Variants in PCDHGA6 observed in about 807,000 individuals in gnomAD.
The protein encoded by PCDHGA6 is protocadherin gamma-A6.
Under a neutral mutation model 60.6 loss-of-function variants are expected in PCDHGA6, and 41 were observed. That is an observed-to-expected ratio of 0.68 (90% confidence interval 0.53 to 0.88). The LOEUF (loss-of-function observed/expected upper bound fraction) is 0.88, where lower values mean the gene tolerates loss of function less well. Ranked by LOEUF, PCDHGA6 falls within the 40% of genes least tolerant of loss-of-function variation. The pLI, the probability that PCDHGA6 is intolerant of heterozygous loss-of-function variation, is 0.00. For synonymous variants in PCDHGA6, 594 were observed against 524.4 expected (o/e 1.13, Z -1.81); for missense variants, 1,312 against 1,203.0 (o/e 1.09, Z -1.34).
intron 1 of PCDHGA6, chr5:141,389,731 G>C (rs761645703): frequency 6.2e-7 from 1 of 1,612,688 alleles, no homozygotes; most frequent in Non-Finnish European, 8.5e-7. Context: ...GGGCTCTTCA[G>C]CCTGGGGCTG....
intron 1 of PCDHGA6, chr5:141,393,113 G>A: frequency 1.2e-6 from 2 of 1,613,500 alleles, no homozygotes; most frequent in Non-Finnish European, 8.5e-7. Context: ...CTCAGAGCCC[G>A]CGGTGTCTGA....
intron 1 of PCDHGA6, among the ~76,000 whole-genome samples, chr5:141,483,834 A>G (rs2154580001): frequency 6.6e-6 from 1 of 152,212 alleles, no homozygotes; most frequent in South Asian, 2.1e-4. Flanking sequence ...CTAGGTAAGG[A>G]CTTGGTTGAA....
chr5:141,394,077 G>T (rs2092915591), intron 1 of PCDHGA6: 2 of 1,613,828 alleles, frequency 1.2e-6, no homozygotes, highest in Non-Finnish European at 1.7e-6. Context: ...CAATATCACA[G>T]TGATGGCCTC....
At chr5:141,408,308 T>C in intron 1 of PCDHGA6, 1 of 1,613,744 alleles carries the variant, frequency 6.2e-7, no homozygotes, top group South Asian at 1.1e-5. Flanking sequence ...GATCCGCTAC[T>C]CGATTCCGGA....
chr5:141,499,054 TGAA>T (rs2099789231), intron 2 of PCDHGA6, among the ~76,000 whole-genome samples: 1 of 150,820 alleles, frequency 6.6e-6, no homozygotes, highest in Non-Finnish European at 1.5e-5. Context: ...GGAGAAAAAA[TGAA>T]GAAGACTTAC....
chr5:141,471,338 A>G (rs1562030662), intron 1 of PCDHGA6: 1 of 152,234 alleles, frequency 6.6e-6, no homozygotes, highest in Non-Finnish European at 1.5e-5. Context: ...GGTATGATCC[A>G]CTGCGCCCGG....
chr5:141,394,667 G>C, intron 1 of PCDHGA6: 5 of 1,613,252 alleles, frequency 3.1e-6, no homozygotes, highest in Non-Finnish European at 4.2e-6. Flanking sequence ...GACTCTTCTC[G>C]GTGGGTCTGC....
At position 141,476,683 on chromosome 5, in the gene PCDHGA6, C is replaced by T; in HGVS notation, c.2425-18124C>T. The T allele has an allele frequency of 1.9e-6, 3 of 1,614,242 alleles. No homozygotes were observed. Among genetic ancestry groups the T allele is most frequent in the Non-Finnish European group, 2.5e-6 (3 of 1,180,052 alleles). ...CGCTTCGCGTGCAGACGCGGGAGGA[C>T]AGCACCAAGTACGCGGAGCTGGTGT... On this transcript the variant is annotated intron_variant, in intron 1 of 3. Coordinates refer to ENST00000517434, the MANE Select transcript of PCDHGA6 (RefSeq NM_018919.3). The surrounding 1 kb of genome is among the most constrained non-coding windows in gnomAD (Gnocchi z 7.6).
chr5:141,420,287 A>C, intron 1 of PCDHGA6: 1 of 1,498,884 alleles, frequency 6.7e-7, no homozygotes, highest in African/African-American at 1.4e-5. Context: ...AAGTATTTAA[A>C]AATGTATTTA....
intron 1 of PCDHGA6, chr5:141,379,090 T>C (rs1029371266): frequency 6.6e-6 from 1 of 152,210 alleles, no homozygotes; most frequent in Non-Finnish European, 1.5e-5. Context: ...GTTATGAATG[T>C]GTAAGAAAAA....
intron 1 of PCDHGA6, chr5:141,403,515 G>A: frequency 6.2e-7 from 1 of 1,614,024 alleles, no homozygotes; most frequent in Non-Finnish European, 8.5e-7. Context: ...GGAGACAATG[G>A]AGCCATAAAC....
At position 141,376,034 on chromosome 5, in the gene PCDHGA6, C is replaced by T; in HGVS notation, c.1951C>T (p.Gln651Ter). The T allele has an allele frequency of 6.2e-7, 1 of 1,613,128 alleles. No homozygotes were observed. Among genetic ancestry groups the T allele is most frequent in the South Asian group, 1.1e-5 (1 of 91,048 alleles). The change falls in exon 1 of 4, where the codon CAG becomes TAG. Residue 651 changes from glutamine (Q) to a stop codon, truncating the protein, a stop_gained. Transcript: ENST00000517434. LOFTEE classifies it high-confidence loss of function. ...AGTGGTGGCCGTCCAGGACCACGGC[C>T]AGCCCCCTCTCTCCGCCACTGTCAC... Reference protein sequence around the residue: ...SLVVAVQDHGQPPLSATVTLT... With the variant: ...SLVVAVQDHG
At position 141,375,581 on chromosome 5, in the gene PCDHGA6, C is replaced by T; in HGVS notation, c.1498C>T (p.Pro500Ser). Reference sequence around the variant, plus strand: ...GGCAGAAGACACCCTCCAGGGGGCGCCCCTGTCCTCCTACGTGTCCATCAA... The same window carrying T: ...GGCAGAAGACACCCTCCAGGGGGCGTCCCTGTCCTCCTACGTGTCCATCAA... ...SLAEDTLQGAPLSSYVSINSD... is the reference protein window; with the variant it reads ...SLAEDTLQGASLSSYVSINSD... Residue 500 changes from proline to serine, a missense_variant, in exon 1 of 4, where the codon CCC becomes TCC. Physicochemically the swap from Pro to Ser is moderately conservative, Grantham distance 74 (BLOSUM62 -1). Transcript: ENST00000517434. 1 of 1,614,174 alleles carries T rather than the reference C, an allele frequency of 6.2e-7. No individual in the cohort carries two copies. The highest frequency in any genetic ancestry group is 8.5e-7 in the Non-Finnish European group (1 of 1,180,018).
At chr5:141,468,428 T>C (rs936671539) in intron 1 of PCDHGA6, 11 of 151,374 alleles carry the variant, frequency 7.3e-5, no homozygotes, top group Non-Finnish European at 1.3e-4. Context: ...AGCAAGGTAA[T>C]AGCAAAATGT....
intron 1 of PCDHGA6, chr5:141,423,360 G>T (rs762976655): frequency 1.2e-6 from 2 of 1,614,224 alleles, no homozygotes; most frequent in South Asian, 2.2e-5. Context: ...TTGTCATCGT[G>T]CTGCTGGCAC....
chr5:141,446,936 C>G (rs935365668), intron 1 of PCDHGA6, among the ~76,000 whole-genome samples: 3 of 152,176 alleles, frequency 2.0e-5, no homozygotes, highest in African/African-American at 7.2e-5. Context: ...CTCTTTTTCA[C>G]TGTAAGAAAC....
At chr5:141,414,679 G>A in intron 1 of PCDHGA6, 1 of 1,613,960 alleles carries the variant, frequency 6.2e-7, no homozygotes. Flanking sequence ...CACCATCCAG[G>A]GGGTACCTCT....
rs756993242 is a variant in PCDHGA6 at position 141,432,265 on chromosome 5, G to T, written c.2424+55758G>T. 2.5e-6 allele frequency: 4 copies of T among 1,614,210 alleles called. No homozygotes were observed. The South Asian group carries it at 3.3e-5, about 13-fold the overall frequency. ...ACACCATCCAAGGGGCAAGCCTATC[G>T]TCCTACGTGTCCATCAACTCCGACA... On this transcript the variant is annotated intron_variant, in intron 1 of 3. Coordinates refer to ENST00000517434, the MANE Select transcript of PCDHGA6 (RefSeq NM_018919.3). This position sits in a 1 kb window ranked among gnomAD's most constrained non-coding sequence, Gnocchi z 6.0.
At chr5:141,457,289 G>C (rs907200077) in intron 1 of PCDHGA6, among the ~76,000 whole-genome samples, 2 of 152,146 alleles carry the variant, frequency 1.3e-5, no homozygotes, top group African/African-American at 4.8e-5. Flanking sequence ...GAAGTTCCTT[G>C]GTTTTATTTT....
Sources: gnomAD v4.1 joint callset for allele counts (sites outside exome capture counted in the v4.1 genomes callset) on GRCh38, gnomAD v4.1.1 for gene constraint, Gnocchi (gnomAD v3.1) non-coding constraint, MANE v1.5 for transcripts, NCBI Gene and HGNC (gene_info 2026-07-23, HGNC 2026-07-21) for gene names.